Variants in STK32B observed in about 807,000 individuals in gnomAD.
STK32B encodes the protein serine/threonine-protein kinase 32B.
In STK32B, 43 loss-of-function variants were observed where a neutral mutation model predicts 52.6. The ratio of observed to expected loss-of-function variants is 0.82; its 90% CI spans 0.64 to 1.05. The LOEUF (loss-of-function observed/expected upper bound fraction) is 1.05, where lower values mean the gene tolerates loss of function less well. Ranked by LOEUF, STK32B falls within the 50% of genes least tolerant of loss-of-function variation. The pLI, the probability that STK32B is intolerant of heterozygous loss-of-function variation, is 0.00. For synonymous variants in STK32B, 238 were observed against 204.3 expected, an observed-to-expected ratio of 1.17 and a Z score of -1.41; for missense variants, 621 against 534.6, an observed-to-expected ratio of 1.16 and a Z score of -1.59.
chr4:5,172,171 T>G (rs1719433566), intron 3 of STK32B, among the ~76,000 whole-genome samples: 1 of 152,148 alleles, frequency 6.6e-6, no homozygotes. Flanking sequence ...ATCCTGAGAC[T>G]TTGCTGAAGT....
intron 2 of STK32B, among the ~76,000 whole-genome samples, chr4:5,148,264 TAGC>T (rs1344199261): frequency 6.6e-6 from 1 of 151,804 alleles, no homozygotes; most frequent in African/African-American, 2.4e-5. Flanking sequence ...TTTCTGATAT[TAGC>T]AGTTTGCCTT....
At chr4:5,061,518 T>TA (rs1742216770) in intron 1 of STK32B, among the ~76,000 whole-genome samples, 1 of 152,206 alleles carries the variant, frequency 6.6e-6, no homozygotes. Flanking sequence ...TGCCTTTTTG[T>TA]AAAAAAATTG....
chr4:5,191,664 T>A (rs1469506236), intron 3 of STK32B, among the ~76,000 whole-genome samples: 1 of 152,156 alleles, frequency 6.6e-6, no homozygotes, highest in African/African-American at 2.4e-5. Context: ...TCTCTCCTGC[T>A]CAGCGAGTCT....
At chr4:5,255,781 C>A (rs182785377) in intron 3 of STK32B, among the ~76,000 whole-genome samples, 1 of 152,172 alleles carries the variant, frequency 6.6e-6, no homozygotes, top group African/African-American at 2.4e-5. Flanking sequence ...TTCATTATTG[C>A]CTACTCTTCT....
intron 3 of STK32B, among the ~76,000 whole-genome samples, chr4:5,189,011 A>AT: frequency 6.7e-6 from 1 of 149,662 alleles, no homozygotes; most frequent in African/African-American, 2.5e-5. Context: ...TTAAGGTATA[A>AT]TTTAAAAAAA....
chr4:5,235,377 A>G (rs557245173), intron 3 of STK32B, among the ~76,000 whole-genome samples: 6 of 152,328 alleles, frequency 3.9e-5, no homozygotes, highest in Middle Eastern at 3.4e-3. Context: ...TAAGTTACTC[A>G]GCCACACTGT....
upstream of STK32B, among the ~76,000 whole-genome samples, chr4:5,046,747 T>A (rs1741624961): frequency 6.6e-6 from 1 of 152,106 alleles, no homozygotes; most frequent in African/African-American, 2.4e-5. Context: ...AAACTCAACA[T>A]CAATGCTCGT....
intron 3 of STK32B, among the ~76,000 whole-genome samples, chr4:5,309,610 G>C (rs139530923): frequency 6.6e-6 from 1 of 152,056 alleles, no homozygotes; most frequent in Non-Finnish European, 1.5e-5. Flanking sequence ...TTTGGCAAAG[G>C]TACCAATAAC....
rs1736913043 is a variant in STK32B, at chr4:5,396,253, C to T, written c.435-1954C>T. Among the ~76,000 whole-genome samples, 1 of 152,168 alleles carries T rather than the reference C, an allele frequency of 6.6e-6. No individual in the cohort carries two copies. Among genetic ancestry groups the T allele is most frequent in the South Asian group, 2.1e-4 (1 of 4,828 alleles). On this transcript the variant is annotated intron_variant, in intron 4 of 11. Coordinates refer to ENST00000282908, the MANE Select transcript of STK32B (RefSeq NM_018401.3). This position sits in a 1 kb window ranked among gnomAD's most constrained non-coding sequence, Gnocchi z 4.7. ...TGGCCTGTTCCAGCTCCAGGTGGCT[C>T]CAGGCGTTTCTGGTTCATGGCTGCA...
chr4:5,335,086 G>A (rs562562212), intron 4 of STK32B, among the ~76,000 whole-genome samples: 3,982 of 152,088 alleles, frequency 0.026, 163 homozygotes, highest in African/African-American at 0.09. Flanking sequence ...GGTAGAATTC[G>A]GCTGTGAATC....
At chr4:5,352,726 A>T (rs554511345) in intron 4 of STK32B, among the ~76,000 whole-genome samples, 1 of 135,604 alleles carries the variant, frequency 7.4e-6, no homozygotes, top group East Asian at 2.1e-4. Flanking sequence ...ATACTCTTAG[A>T]TCTGATAAAT....
intron 3 of STK32B, among the ~76,000 whole-genome samples, chr4:5,325,537 A>G (rs923242863): frequency 6.6e-6 from 1 of 151,962 alleles, no homozygotes; most frequent in Non-Finnish European, 1.5e-5. Flanking sequence ...CCTTATTTTT[A>G]ATTCTATTAT....
chr4:5,307,052 GC>G (rs1443998527), intron 3 of STK32B, among the ~76,000 whole-genome samples: 2 of 152,112 alleles, frequency 1.3e-5, no homozygotes, highest in African/African-American at 4.8e-5. Context: ...TGATGCTCTT[GC>G]CTCACAGCTC....
intron 9 of STK32B, among the ~76,000 whole-genome samples, chr4:5,462,173 G>A (rs899133086): frequency 6.6e-6 from 1 of 151,430 alleles, no homozygotes; most frequent in Non-Finnish European, 1.5e-5. Context: ...GTGTCTGTAC[G>A]TCTGTATGTC....
At chr4:5,286,402 C>G (rs1176441643) in intron 3 of STK32B, among the ~76,000 whole-genome samples, 1 of 150,780 alleles carries the variant, frequency 6.6e-6, no homozygotes, top group East Asian at 1.9e-4. Context: ...CACCTGGGAA[C>G]ACACTAAGTG....
intron 2 of STK32B, among the ~76,000 whole-genome samples, chr4:5,153,284 T>C (rs1717524177): frequency 6.6e-6 from 1 of 152,196 alleles, no homozygotes. Flanking sequence ...GGTCAGAGCC[T>C]GCTTCTTCCA....
At chr4:5,129,945 G>A (rs1715648772) in intron 1 of STK32B, among the ~76,000 whole-genome samples, 1 of 152,032 alleles carries the variant, frequency 6.6e-6, no homozygotes, top group African/African-American at 2.4e-5. Flanking sequence ...TAGGTGCTTG[G>A]GATGCTGAAA....
chr4:5,260,128 C>T lies in STK32B; in HGVS notation c.261-71092C>T, dbSNP rs1236811402. 5.3e-5 allele frequency among the ~76,000 whole-genome samples: 8 copies of T among 152,132 alleles called. No homozygotes were observed. In the East Asian group the frequency reaches 1.5e-3, roughly 29 times the overall value. ...ACGCACACACACACGGAGCCGTACA[C>T]ACTAAAATTTACAGCTTCACGAGAT... On this transcript the variant is annotated intron_variant, in intron 3 of 11. Transcript: ENST00000282908.
intron 1 of STK32B, among the ~76,000 whole-genome samples, chr4:5,094,500 A>C (rs1713270824): frequency 6.6e-6 from 1 of 152,124 alleles, no homozygotes; most frequent in Admixed American, 6.5e-5. Context: ...AGAATATTTT[A>C]AAAACTAGGT....
Sources: allele counts gnomAD v4.1 joint callset (sites outside exome capture counted in the v4.1 genomes callset), GRCh38; gene constraint gnomAD v4.1.1; non-coding constraint Gnocchi (gnomAD v3.1); transcripts MANE v1.5; gene names NCBI Gene and HGNC (gene_info 2026-07-23, HGNC 2026-07-21).